The following EML6 variants were observed in gnomAD, a reference collection of about 807,000 sequenced individuals.
EML6 encodes the protein EMAP like 6.
Under a neutral mutation model 240.1 loss-of-function variants are expected in EML6, and 154 were observed. That is an observed-to-expected ratio of 0.64 (90% confidence interval 0.56 to 0.73). The LOEUF (loss-of-function observed/expected upper bound fraction) is 0.73. Ranked by LOEUF, EML6 falls within the 30% of genes least tolerant of loss-of-function variation. EML6 has a pLI of 0.00. For missense variants in EML6, 2,964 were observed against 2,474.6 expected (o/e 1.20, Z -4.20); for synonymous variants, 1,148 against 899.0 (o/e 1.28, Z -4.95).
intron 8 of EML6, among the ~76,000 whole-genome samples, chr2:54,845,576 C>G (rs1669708304): frequency 6.6e-6 from 1 of 152,114 alleles, no homozygotes; most frequent in African/African-American, 2.4e-5. Flanking sequence ...GAAAGATGAG[C>G]ATAGTGACTT....
At chr2:54,802,034 G>A (rs1422992679) in intron 2 of EML6, among the ~76,000 whole-genome samples, 1 of 152,148 alleles carries the variant, frequency 6.6e-6, no homozygotes, top group African/African-American at 2.4e-5. Context: ...GATGTCTGAA[G>A]CTATACATGT....
intron 26 of EML6, among the ~76,000 whole-genome samples, chr2:54,917,358 G>GTTTTT (rs147785699): frequency 4.8e-5 from 6 of 123,822 alleles, no homozygotes; most frequent in East Asian, 2.4e-4. Flanking sequence ...TTTTTTTTTT[G>GTTTTT]TTTTTTTTTT....
intron 22 of EML6, among the ~76,000 whole-genome samples, chr2:54,902,684 C>T (rs4671990): frequency 6.6e-6 from 1 of 152,262 alleles, no homozygotes; most frequent in East Asian, 1.9e-4. Flanking sequence ...CAGGCATAAG[C>T]CACTGCACCT....
At chr2:54,965,669 C>T (rs1003946030) in intron 38 of EML6, among the ~76,000 whole-genome samples, 2 of 152,072 alleles carry the variant, frequency 1.3e-5, no homozygotes, top group South Asian at 2.1e-4. Context: ...CACTAAGTCA[C>T]TTCCTGGGTG....
intron 2 of EML6, among the ~76,000 whole-genome samples, chr2:54,810,060 T>C (rs1182366640): frequency 6.6e-6 from 1 of 152,226 alleles, no homozygotes; most frequent in Non-Finnish European, 1.5e-5. Context: ...GCAATCATGT[T>C]ACATCAAGCC....
At chr2:54,945,345 T>C (rs1031164889) in intron 28 of EML6, among the ~76,000 whole-genome samples, 12 of 139,290 alleles carry the variant, frequency 8.6e-5, no homozygotes, top group African/African-American at 2.4e-4. Context: ...TCTAAAACCA[T>C]TGGAGCATTT....
intron 26 of EML6, among the ~76,000 whole-genome samples, chr2:54,921,591 G>A (rs1160766859): frequency 2.0e-5 from 3 of 152,028 alleles, no homozygotes; most frequent in Non-Finnish European, 4.4e-5. Context: ...CTTAAAATGT[G>A]TATGTAACCA....
intron 26 of EML6, among the ~76,000 whole-genome samples, chr2:54,922,755 A>G (rs900643773): frequency 1.5e-4 from 23 of 152,136 alleles, no homozygotes; most frequent in African/African-American, 5.6e-4. Flanking sequence ...AATAATGTGG[A>G]TGAACCAGAA....
intron 38 of EML6, among the ~76,000 whole-genome samples, chr2:54,966,541 A>G (rs995823624): frequency 6.6e-6 from 1 of 152,234 alleles, no homozygotes; most frequent in African/African-American, 2.4e-5. Flanking sequence ...CCCACTGTCC[A>G]TGAGAAACCT....
intron 7 of EML6, among the ~76,000 whole-genome samples, chr2:54,836,049 A>G (rs1669124217): frequency 6.6e-6 from 1 of 151,966 alleles, no homozygotes. Flanking sequence ...TGTGCCCACC[A>G]TTTTTCTCTG....
chr2:54,885,265 T>G, intron 17 of EML6, among the ~76,000 whole-genome samples: 1 of 151,866 alleles, frequency 6.6e-6, no homozygotes, highest in Admixed American at 6.6e-5. Flanking sequence ...ACCAACATGG[T>G]AAAACCACCA....
intron 2 of EML6, among the ~76,000 whole-genome samples, chr2:54,764,141 CCAGTT>C (rs1668087804): frequency 6.6e-6 from 1 of 152,178 alleles, no homozygotes; most frequent in Non-Finnish European, 1.5e-5. Context: ...TCCAAGCAGT[CCAGTT>C]ATTTTCAATA....
intron 28 of EML6, among the ~76,000 whole-genome samples, chr2:54,946,941 C>T (rs896131667): frequency 4.0e-5 from 6 of 151,704 alleles, no homozygotes; most frequent in African/African-American, 7.3e-5. Flanking sequence ...AAAAAAGCAT[C>T]GGATTGCGTC....
chr2:54,932,254 C>G (rs1375838339), intron 28 of EML6, among the ~76,000 whole-genome samples: 1 of 152,208 alleles, frequency 6.6e-6, no homozygotes, highest in South Asian at 2.1e-4. Flanking sequence ...ACTGGGATAC[C>G]CTGCCTCCAT....
rs116626326 is a variant in EML6, at chr2:54,914,431, A to T, written c.3499-2328A>T. Among the ~76,000 whole-genome samples, 677 of 152,324 alleles carry T rather than the reference A, an allele frequency of 4.4e-3. 6 individuals are homozygous for T. The highest frequency in any genetic ancestry group is 0.016 in the African/African-American group (647 of 41,576). On this transcript the variant is annotated intron_variant, in intron 25 of 41. Transcript: ENST00000356458. The stretch of plus-strand genomic sequence containing the variant: ...AAATAAGTATACTAAAATGAAATGT[A>T]ATTTAACCAAATGGTAGAGGAGGAT...
At chr2:54,920,790 C>T (rs1280035471) in intron 26 of EML6, among the ~76,000 whole-genome samples, 3 of 152,040 alleles carry the variant, frequency 2.0e-5, no homozygotes, top group Admixed American at 6.6e-5. Context: ...TTCAACAGCA[C>T]ATTAAAAAGA....
intron 2 of EML6, among the ~76,000 whole-genome samples, chr2:54,768,233 A>T (rs1668270162): frequency 6.6e-6 from 1 of 151,802 alleles, no homozygotes; most frequent in Non-Finnish European, 1.5e-5. Flanking sequence ...GCCTTAGTTG[A>T]TCTCAGGGAT....
In EML6 at chr2:54,954,095, G is replaced by C; in HGVS notation, c.4425G>C (p.Lys1475Asn). ...ACATCAACTTCAGTGCAACTGGAAA[G>C]CTCCTGGTGTCGGTGGGAGTGGACC... ...VNYINFSATG[K>N]LLVSVGVDPE... is the part of the protein sequence containing the mutation. The change falls in exon 32 of 42, where the codon AAG (lysine) becomes AAC (asparagine). Residue 1475 changes from lysine to asparagine, a missense_variant. Coordinates refer to ENST00000356458, the MANE Select transcript of EML6 (RefSeq NM_001039753.4). 5.8e-6 allele frequency: 9 copies of C among 1,551,822 alleles called. No individual in the cohort carries two copies. Among genetic ancestry groups the C allele is most frequent in the Non-Finnish European group, 7.8e-6 (9 of 1,147,010 alleles).
intron 28 of EML6, among the ~76,000 whole-genome samples, chr2:54,940,112 G>A (rs1048791742): frequency 6.6e-6 from 1 of 152,108 alleles, no homozygotes; most frequent in African/African-American, 2.4e-5. Flanking sequence ...TATAAATGGT[G>A]GTGCCCTTAC....
Sources: allele counts gnomAD v4.1 joint callset (sites outside exome capture counted in the v4.1 genomes callset), GRCh38; gene constraint gnomAD v4.1.1; transcripts MANE v1.5; gene names NCBI Gene and HGNC (gene_info 2026-07-23, HGNC 2026-07-21).